KCNJ6: variants seen among roughly 807,000 people sequenced by gnomAD.
The protein encoded by KCNJ6 is potassium inwardly rectifying channel subfamily J member 6, also known as G protein-activated inward rectifier potassium channel 2.
KCNJ6 carries 9 observed loss-of-function variants against 34.2 expected under a neutral mutation model. The ratio of observed to expected loss-of-function variants is 0.26; its 90% CI spans 0.16 to 0.46. KCNJ6 has a LOEUF of 0.46. KCNJ6 is among the 20% of genes least tolerant of loss of function. The pLI, the probability that KCNJ6 is intolerant of heterozygous loss-of-function variation, is 1.00. For synonymous variants in KCNJ6, 196 were observed against 207.1 expected, an observed-to-expected ratio of 0.95 and a Z score of 0.46; for missense variants, 236 against 531.3, an observed-to-expected ratio of 0.44 and a Z score of 5.46.
chr21:37,703,198 G>A (rs1032113666), intron 3 of KCNJ6, among the ~76,000 whole-genome samples: 1 of 152,128 alleles, frequency 6.6e-6, no homozygotes, highest in African/African-American at 2.4e-5. Flanking sequence ...AGGAAAAATT[G>A]GTGATGGAGG....
intron 1 of KCNJ6, among the ~76,000 whole-genome samples, chr21:37,880,665 G>C (rs1263779169): frequency 1.3e-5 from 2 of 152,264 alleles, no homozygotes; most frequent in East Asian, 3.9e-4. Flanking sequence ...CCCTTCAAAG[G>C]TTAATAGATG....
chr21:37,776,831 A>G (rs112929006), intron 2 of KCNJ6, among the ~76,000 whole-genome samples: 4 of 152,192 alleles, frequency 2.6e-5, no homozygotes, highest in African/African-American at 9.7e-5. Flanking sequence ...TGTCTCTGCC[A>G]GGCTTTGGTA....
intron 1 of KCNJ6, among the ~76,000 whole-genome samples, chr21:37,893,363 G>A (rs1262984414): frequency 3.3e-5 from 5 of 151,748 alleles, no homozygotes; most frequent in African/African-American, 7.3e-5. Context: ...ACCTGCCACC[G>A]TGCCCAGCTA....
At position 37,617,601 on chromosome 21, in the gene KCNJ6, A is replaced by C. The variant is rs1396326468; in HGVS notation, c.*7558T>G. 6.6e-6 allele frequency: 1 copy of C among 152,248 alleles called. No homozygotes were observed. Among genetic ancestry groups the C allele is most frequent in the East Asian group, 1.9e-4 (1 of 5,198 alleles). The allele number at this position is 152,248 out of a possible 1,614,324, so 9.4% of individuals were successfully genotyped here. On this transcript the variant is annotated 3_prime_UTR_variant, in exon 4 of 4. Coordinates refer to ENST00000609713, the MANE Select transcript of KCNJ6 (RefSeq NM_002240.5). ...ACCAAACTCCCAGCCTTACTCAAAA[A>C]GAGGGACCAGGTCAGACTATCTGGA...
chr21:37,756,148 C>A (rs902176549), intron 2 of KCNJ6, among the ~76,000 whole-genome samples: 3 of 152,190 alleles, frequency 2.0e-5, no homozygotes, highest in Admixed American at 2.0e-4. Context: ...TTTCCCTGCC[C>A]GCCAAGCTCC....
rs866538478 is a variant in KCNJ6, at chr21:37,617,052, C to T, written c.*8107G>A. 2 of 74,126 alleles carry T rather than the reference C, an allele frequency of 2.7e-5. No homozygotes were observed. Among genetic ancestry groups the T allele is most frequent in the Admixed American group, 1.6e-4 (1 of 6,414 alleles). 4.6% of individuals were successfully genotyped at this position (74,126 alleles called of 1,614,324 possible). A position where few individuals can be genotyped will look rare whatever the true frequency, so the allele number is the denominator to read the frequency against. ...TCTTTCTTTCTTTCTTTCTTTCTTT[C>T]TTTTCTTTTCTTTTCTTTTCTTTTC... On this transcript the variant is annotated 3_prime_UTR_variant, in exon 4 of 4. Transcript: ENST00000609713.
In KCNJ6 at chr21:37,625,383, CAACTTCGTAG is replaced by C; in HGVS notation, c.1038_1047del (p.Phe346LeufsTer25). 6.2e-7 allele frequency: 1 copy of C among 1,614,216 alleles called. No individual in the cohort carries two copies. Among genetic ancestry groups the C allele is most frequent in the Non-Finnish European group, 8.5e-7 (1 of 1,180,014 alleles). On this transcript the variant is annotated frameshift_variant, in exon 4 of 4. Transcript: ENST00000609713. LOFTEE classifies it high-confidence loss of function. ...TAGGTCTCATGGAAGCTGTTGTAGT[CAACTTCGTAG>C]AACCCGTCCTCCAGGGTCAGGACAG...
intron 1 of KCNJ6, among the ~76,000 whole-genome samples, chr21:37,913,097 T>C (rs1474694723): frequency 6.6e-6 from 1 of 152,250 alleles, no homozygotes; most frequent in Non-Finnish European, 1.5e-5. Flanking sequence ...AATATGACTG[T>C]CACCTTCCTG....
At chr21:37,761,634 TTG>T (rs1187088753) in intron 2 of KCNJ6, among the ~76,000 whole-genome samples, 1 of 150,610 alleles carries the variant, frequency 6.6e-6, no homozygotes, top group Admixed American at 6.6e-5. Context: ...GTGTTGTGTG[TTG>T]TGTTGTGTGT....
chr21:37,709,633 G>A (rs917577278), intron 3 of KCNJ6, among the ~76,000 whole-genome samples: 1 of 152,214 alleles, frequency 6.6e-6, no homozygotes, highest in African/African-American at 2.4e-5. Context: ...CAGAGTGCCC[G>A]ACAACACCAT....
intron 3 of KCNJ6, among the ~76,000 whole-genome samples, chr21:37,670,644 A>G (rs1366340638): frequency 6.6e-6 from 1 of 152,202 alleles, no homozygotes; most frequent in Non-Finnish European, 1.5e-5. Flanking sequence ...GCATGCTTGT[A>G]GTCCCAGCTA....
intron 2 of KCNJ6, among the ~76,000 whole-genome samples, chr21:37,719,987 T>TAA (rs2054816051): frequency 6.6e-6 from 1 of 152,122 alleles, no homozygotes; most frequent in African/African-American, 2.4e-5. Flanking sequence ...TGAGACTTTT[T>TAA]AATGTCGTGG....
chr21:37,650,214 C>G (rs762904464), intron 3 of KCNJ6, among the ~76,000 whole-genome samples: 2 of 152,110 alleles, frequency 1.3e-5, no homozygotes, highest in Non-Finnish European at 2.9e-5. Flanking sequence ...TCCCTCTGCC[C>G]GCTTCCTTGA....
chr21:37,717,952 G>T (rs769104887), intron 2 of KCNJ6, among the ~76,000 whole-genome samples: 20 of 152,310 alleles, frequency 1.3e-4, no homozygotes, highest in African/African-American at 4.8e-4. Flanking sequence ...CCAGGCAATT[G>T]TCCTGACCTG....
intron 1 of KCNJ6, among the ~76,000 whole-genome samples, chr21:37,860,265 T>A (rs1335228780): frequency 6.6e-6 from 1 of 152,226 alleles, no homozygotes; most frequent in Non-Finnish European, 1.5e-5. Context: ...TGATAATTTT[T>A]CTCCAACTTG....
intron 2 of KCNJ6, among the ~76,000 whole-genome samples, chr21:37,718,443 A>T (rs1317869646): frequency 2.0e-5 from 3 of 152,174 alleles, no homozygotes; most frequent in Non-Finnish European, 2.9e-5. Flanking sequence ...AGACAGAGAA[A>T]AGAAAGCCGA....
rs2054301728 is a variant in KCNJ6 at position 37,624,429 on chromosome 21, A to G, written c.*730T>C. 1.3e-5 allele frequency: 2 copies of G among 152,308 alleles called. No individual in the cohort carries two copies. The highest frequency in any genetic ancestry group is 3.4e-3 in the Middle Eastern group (1 of 292). The allele number at this position is 152,308 out of a possible 1,614,324, so 9.4% of individuals were successfully genotyped here. ...TCAAAATAACCTGGAAAACACAGAC[A>G]TCAAAACAGAAATGCCTACTGCATG... On this transcript the variant is annotated 3_prime_UTR_variant, in exon 4 of 4. Coordinates refer to ENST00000609713, the MANE Select transcript of KCNJ6 (RefSeq NM_002240.5).
At chr21:37,785,392 C>T (rs539945006) in intron 2 of KCNJ6, among the ~76,000 whole-genome samples, 9 of 152,328 alleles carry the variant, frequency 5.9e-5, no homozygotes, top group East Asian at 1.9e-4. Context: ...AAGTAAACCA[C>T]GTGGCAGTTT....
At chr21:37,708,398 G>A (rs1024009255) in intron 3 of KCNJ6, among the ~76,000 whole-genome samples, 17 of 152,262 alleles carry the variant, frequency 1.1e-4, no homozygotes, top group African/African-American at 3.9e-4. Flanking sequence ...TTGGGGAGCA[G>A]TTGTCACCAG....
Sources: gnomAD v4.1 joint callset for allele counts (sites outside exome capture counted in the v4.1 genomes callset) on GRCh38, gnomAD v4.1.1 for gene constraint, MANE v1.5 for transcripts, NCBI Gene and HGNC (gene_info 2026-07-23, HGNC 2026-07-21) for gene names.